The following VAV1 variants were observed in gnomAD, a reference collection of about 807,000 sequenced individuals.
VAV1 encodes vav guanine nucleotide exchange factor 1.
In VAV1, 33 loss-of-function variants were observed where a neutral mutation model predicts 128.1. The ratio of observed to expected loss-of-function variants is 0.26; its 90% CI spans 0.20 to 0.34. The LOEUF (loss-of-function observed/expected upper bound fraction) is 0.34. Ranked by LOEUF, VAV1 falls within the 10% of genes least tolerant of loss-of-function variation. The pLI, the probability that VAV1 is intolerant of heterozygous loss-of-function variation, is 1.00. For missense variants in VAV1, 715 were observed against 1,093.7 expected (o/e 0.65, Z 4.88); for synonymous variants, 394 against 409.8 (o/e 0.96, Z 0.47).
chr19:6,831,928 G>C (rs1972066090), intron 14 of VAV1, among the ~76,000 whole-genome samples, 163 bp from the exon 15 acceptor site: 1 of 151,610 alleles, frequency 6.6e-6, no homozygotes, highest in Admixed American at 6.6e-5. Flanking sequence ...TTGTGTATTT[G>C]GATATCCTAG....
intron 21 of VAV1, among the ~76,000 whole-genome samples, chr19:6,842,475 T>G (rs538846035): frequency 1.3e-4 from 20 of 152,244 alleles, no homozygotes; most frequent in Non-Finnish European, 4.4e-5. Context: ...CTACAAAGCA[T>G]AATTCATGGG....
intron 1 of VAV1, among the ~76,000 whole-genome samples, chr19:6,786,986 T>C (rs1340356966): frequency 1.3e-5 from 2 of 151,684 alleles, no homozygotes; most frequent in Admixed American, 6.6e-5. Flanking sequence ...ATTTAACCAA[T>C]ACACGGTCAG....
At chr19:6,831,421 C>G (rs1972051539) in intron 14 of VAV1, among the ~76,000 whole-genome samples, 1 of 152,090 alleles carries the variant, frequency 6.6e-6, no homozygotes. Flanking sequence ...AAGAGATTCT[C>G]CTACCTCAGC....
chr19:6,810,020 T>C (rs543935533), intron 1 of VAV1, among the ~76,000 whole-genome samples: 2 of 151,444 alleles, frequency 1.3e-5, no homozygotes, highest in African/African-American at 4.8e-5. Context: ...AAAATAAAAA[T>C]AAAAATAACG....
At chr19:6,804,305 C>T (rs72998373) in intron 1 of VAV1, among the ~76,000 whole-genome samples, 5,424 of 151,868 alleles carry the variant, frequency 0.036, 169 homozygotes, top group Non-Finnish European at 0.051. Flanking sequence ...GTAGGGTAGA[C>T]GAAAACAGCT....
chr19:6,809,036 C>G (rs1971458361), intron 1 of VAV1, among the ~76,000 whole-genome samples: 1 of 151,522 alleles, frequency 6.6e-6, no homozygotes, highest in African/African-American at 2.4e-5. Flanking sequence ...AGCCACAAGA[C>G]CAACCCAGAT....
intron 1 of VAV1, among the ~76,000 whole-genome samples, chr19:6,776,077 T>TCC (rs1970615090): frequency 1.5e-5 from 2 of 129,148 alleles, no homozygotes; most frequent in Admixed American, 7.7e-5. Flanking sequence ...TCCATCCATT[T>TCC]ATCCATCCAT....
chr19:6,828,483 T>C lies in VAV1; in HGVS notation c.1088T>C (p.Met363Thr). ...AACCTGCGGCTGGCCCTGGATGCCA[T>C]GAGGGTGAGTGGGTGTAGGGTGCTG... ...KENLRLALDA[M>T]RDLAQCVNEV... Residue 363 changes from methionine to threonine, a missense_variant, in exon 11 of 27, where the codon ATG (methionine) becomes ACG (threonine). This residue lies in a region of VAV1 where 302 missense variants were observed against 477.8 expected (regional missense o/e 0.63). Transcript: ENST00000602142. This position sits in a 1 kb window ranked among gnomAD's most constrained non-coding sequence, Gnocchi z 4.5. 6.2e-7 allele frequency: 1 copy of C among 1,614,104 alleles called. No homozygotes were observed. The highest frequency in any genetic ancestry group is 8.5e-7 in the Non-Finnish European group (1 of 1,180,002).
At chr19:6,841,973 C>A (rs1972389024) in intron 21 of VAV1, among the ~76,000 whole-genome samples, 1 of 151,570 alleles carries the variant, frequency 6.6e-6, no homozygotes, top group Non-Finnish European at 1.5e-5. Flanking sequence ...CGCCTGTAAT[C>A]CCAACACTTT....
chr19:6,850,645 G>A, intron 23 of VAV1, 25 bp from the exon 24 acceptor site: 2 of 1,612,510 alleles, frequency 1.2e-6, no homozygotes, highest in South Asian at 1.1e-5. Flanking sequence ...CCCAGACTCA[G>A]GGCCCGGTGA....
chr19:6,833,790 GA>G, intron 18 of VAV1, 57 bp downstream of exon 18: 1 of 1,613,814 alleles, frequency 6.2e-7, no homozygotes, highest in Admixed American at 1.7e-5. Flanking sequence ...ACAGCGCGGG[GA>G]GGACCCAGGA....
chr19:6,780,067 G>GT (rs565693707), intron 1 of VAV1, among the ~76,000 whole-genome samples: 1 of 145,042 alleles, frequency 6.9e-6, no homozygotes, highest in Non-Finnish European at 1.5e-5. Flanking sequence ...GCCGAGATCA[G>GT]GCCACTGCAC....
intron 23 of VAV1, among the ~76,000 whole-genome samples, chr19:6,848,561 C>A (rs164014): frequency 0.06 from 9,063 of 151,428 alleles, 818 homozygotes; most frequent in African/African-American, 0.2. Flanking sequence ...TGTGACCATG[C>A]CCAGCTAATT....
At chr19:6,854,173 C>G in intron 26 of VAV1, 75 bp downstream of exon 26, 1 of 1,558,616 alleles carries the variant, frequency 6.4e-7, no homozygotes, top group African/African-American at 1.3e-5. Flanking sequence ...GAACTGGGGA[C>G]TGGAGAAGGT....
chr19:6,850,545 C>T, intron 23 of VAV1, 125 bp from the exon 24 acceptor site: 2 of 813,400 alleles, frequency 2.5e-6, no homozygotes, highest in Admixed American at 2.3e-5. Context: ...GTTGGGACAG[C>T]TTGTCTTTGG....
At chr19:6,853,234 A>G (rs181858478) in intron 25 of VAV1, among the ~76,000 whole-genome samples, 155 bp downstream of exon 25, 2 of 148,170 alleles carry the variant, frequency 1.3e-5, no homozygotes, top group African/African-American at 5.0e-5. Context: ...ATCCCTTCCT[A>G]TATATATTTT....
Position 6,832,099 on chromosome 19 carries a change from C to A in VAV1, c.1407C>A (p.His469Gln). Residue 469 changes from histidine (H) to glutamine (Q), a missense_variant, in exon 15 of 27, where the codon CAC becomes CAA. By Grantham distance (24) the His-to-Gln change is conservative. Around this residue, in one of 3 missense-constraint regions of VAV1, gnomAD observed 407 missense variants for 580.6 expected, o/e 0.70. Transcript: ENST00000602142. The stretch of plus-strand genomic sequence containing the variant: ...GCTCTGCTTCCCTGCAGTGGAGCCA[C>A]ATGTTCCTCCTGATCGAGGACCAAG... ...SGDRDNKKWS[H>Q]MFLLIEDQGA... 1 of 1,614,170 alleles carries A rather than the reference C, an allele frequency of 6.2e-7. No individual in the cohort carries two copies. The highest frequency in any genetic ancestry group is 8.5e-7 in the Non-Finnish European group (1 of 1,180,006).
chr19:6,829,529 C>A (rs1422452739), intron 13 of VAV1, among the ~76,000 whole-genome samples: 1 of 151,938 alleles, frequency 6.6e-6, no homozygotes, highest in Non-Finnish European at 1.5e-5. Context: ...GGTGGTAGAC[C>A]CATCCAGAGA....
At chr19:6,841,561 G>A (rs558573201) in intron 21 of VAV1, among the ~76,000 whole-genome samples, 3 of 148,460 alleles carry the variant, frequency 2.0e-5, no homozygotes, top group African/African-American at 7.4e-5. Flanking sequence ...TGCAACCTCC[G>A]CTTCCCAGGT....
Sources: gnomAD v4.1 joint callset for allele counts (sites outside exome capture counted in the v4.1 genomes callset) on GRCh38, gnomAD v4.1.1 for gene constraint, gnomAD v4.1.1 regional missense constraint, Gnocchi (gnomAD v3.1) non-coding constraint, MANE v1.5 for transcripts, NCBI Gene and HGNC (gene_info 2026-07-23, HGNC 2026-07-21) for gene names.